SLC4A10: variants seen among roughly 807,000 people sequenced by gnomAD.
SLC4A10 encodes the protein sodium-driven chloride bicarbonate exchanger.
A neutral mutation model predicts 137.7 loss-of-function variants in SLC4A10; 42 were observed. That is an observed-to-expected ratio of 0.30 (90% CI 0.24 to 0.39). The LOEUF (loss-of-function observed/expected upper bound fraction) is 0.39. Ranked by LOEUF, SLC4A10 falls within the 10% of genes least tolerant of loss-of-function variation. The probability of loss-of-function intolerance (pLI) is 1.00; values close to 1 mark genes in which losing one functional copy is unlikely to be tolerated. For missense variants in SLC4A10, 925 were observed against 1,355.0 expected, an observed-to-expected ratio of 0.68 and a Z score of 4.98; for synonymous variants, 474 against 464.1, an observed-to-expected ratio of 1.02 and a Z score of -0.27.
intron 1 of SLC4A10, among the ~76,000 whole-genome samples, chr2:161,685,894 T>C (rs2041348829): frequency 6.6e-6 from 1 of 152,184 alleles, no homozygotes; most frequent in Non-Finnish European, 1.5e-5. Flanking sequence ...GATTTTGTAC[T>C]ATAAAGGTTT....
At chr2:161,862,443 C>T (rs1425146347) in intron 5 of SLC4A10, among the ~76,000 whole-genome samples, 1 of 152,028 alleles carries the variant, frequency 6.6e-6, no homozygotes, top group Non-Finnish European at 1.5e-5. Flanking sequence ...AGTATAAAAC[C>T]AATTTTCAAA....
intron 1 of SLC4A10, among the ~76,000 whole-genome samples, chr2:161,770,539 A>G (rs1574877725): frequency 1.3e-5 from 2 of 152,008 alleles, no homozygotes; most frequent in East Asian, 3.9e-4. Flanking sequence ...CCCATTTTTA[A>G]TGACAGTGGA....
intron 10 of SLC4A10, among the ~76,000 whole-genome samples, chr2:161,891,080 C>A (rs60929841): frequency 0.022 from 3,300 of 152,226 alleles, 122 homozygotes; most frequent in African/African-American, 0.075. Flanking sequence ...ATATGAAATT[C>A]TGGGTTGAAA....
intron 22 of SLC4A10, 40 bp downstream of exon 22, chr2:161,964,348 T>C (rs773616442): frequency 1.3e-6 from 2 of 1,595,268 alleles, no homozygotes; most frequent in South Asian, 1.1e-5. Flanking sequence ...TTTCTCTGAT[T>C]TGCTGGTCTC....
chr2:161,730,050 GAGGAAA>G, intron 1 of SLC4A10, among the ~76,000 whole-genome samples: 1 of 152,186 alleles, frequency 6.6e-6, no homozygotes, highest in African/African-American at 2.4e-5. Flanking sequence ...CCTCAAATAA[GAGGAAA>G]GAGTGAAAAG....
chr2:161,972,482 G>A (rs570403076), intron 23 of SLC4A10, among the ~76,000 whole-genome samples: 30 of 152,214 alleles, frequency 2.0e-4, no homozygotes, highest in Admixed American at 5.2e-4. Flanking sequence ...CAAACCAATG[G>A]TAATCTCCAT....
rs557396070 is a variant in SLC4A10 at position 161,909,237 on chromosome 2, A to G, written c.1997+3350A>G. Among the ~76,000 whole-genome samples the G allele has an allele frequency of 1.4e-4, 21 of 152,220 alleles. No homozygotes were observed. In the South Asian group the frequency reaches 3.3e-3, roughly 24 times the overall value. ...CCCTAAAACTTAAAGTATAATAACA[A>G]TAAAATTAAATATATAAAAAAAAAG... On this transcript the variant is annotated intron_variant, in intron 15 of 26. Transcript: ENST00000446997.
intron 21 of SLC4A10, among the ~76,000 whole-genome samples, chr2:161,961,308 T>A (rs764648781): frequency 2.0e-5 from 3 of 152,174 alleles, no homozygotes; most frequent in Non-Finnish European, 4.4e-5. Flanking sequence ...ATGAAGTCAT[T>A]GCAGGTCACG....
chr2:161,777,162 T>A (rs2052450483), intron 2 of SLC4A10, among the ~76,000 whole-genome samples: 1 of 151,310 alleles, frequency 6.6e-6, no homozygotes, highest in African/African-American at 2.4e-5. Context: ...TTTAAAAAAT[T>A]TAATAGGGTA....
chr2:161,765,712 T>A (rs987687431), intron 1 of SLC4A10, among the ~76,000 whole-genome samples: 1 of 151,994 alleles, frequency 6.6e-6, no homozygotes, highest in African/African-American at 2.4e-5. Flanking sequence ...AGTGCTAAAA[T>A]TTGCTCCTAA....
chr2:161,906,448 C>T (rs865991809), intron 15 of SLC4A10, among the ~76,000 whole-genome samples: 4 of 152,134 alleles, frequency 2.6e-5, no homozygotes, highest in East Asian at 3.9e-4. Flanking sequence ...TGTTACAGTC[C>T]GGGATTGAAG....
intron 2 of SLC4A10, among the ~76,000 whole-genome samples, chr2:161,801,700 G>A (rs1269314077): frequency 6.6e-6 from 1 of 152,104 alleles, no homozygotes; most frequent in African/African-American, 2.4e-5. Context: ...ACTCTAAAGG[G>A]AGAGAAAGTA....
chr2:161,909,253 A>G lies in SLC4A10; in HGVS notation c.1997+3366A>G, dbSNP rs111390555. ...ATAATAACAATAAAATTAAATATATAAAAAAAAAGAGGAGTGACAGAGGTC... is the reference window on the plus strand; with the variant it reads ...ATAATAACAATAAAATTAAATATATGAAAAAAAAGAGGAGTGACAGAGGTC... On this transcript the variant is annotated intron_variant, in intron 15 of 26. Transcript: ENST00000446997. Among the ~76,000 whole-genome samples, 1,275 of 151,194 alleles carry G rather than the reference A, an allele frequency of 8.4e-3. 18 individuals are homozygous for G. Among genetic ancestry groups the G allele is most frequent in the African/African-American group, 0.029 (1,215 of 41,224 alleles).
chr2:161,910,761 CCA>C (rs1685638583), intron 15 of SLC4A10, among the ~76,000 whole-genome samples: 1 of 151,748 alleles, frequency 6.6e-6, no homozygotes, highest in Non-Finnish European at 1.5e-5. Flanking sequence ...TATCTAGCAC[CCA>C]GCCCTGTACA....
chr2:161,900,230 C>G (rs530000038), intron 11 of SLC4A10, among the ~76,000 whole-genome samples: 29 of 152,182 alleles, frequency 1.9e-4, no homozygotes, highest in African/African-American at 5.8e-4. Flanking sequence ...ACCTGAATCT[C>G]TACTAATTTG....
chr2:161,889,226 G>A (rs1004556836), intron 10 of SLC4A10, among the ~76,000 whole-genome samples: 1 of 152,168 alleles, frequency 6.6e-6, no homozygotes, highest in Non-Finnish European at 1.5e-5. Flanking sequence ...GTTCATCAGG[G>A]ATATCGGCCT....
At chr2:161,891,927 T>A (rs1289396575) in intron 10 of SLC4A10, among the ~76,000 whole-genome samples, 2 of 152,022 alleles carry the variant, frequency 1.3e-5, no homozygotes, top group Non-Finnish European at 2.9e-5. Flanking sequence ...CTTTCTTTTT[T>A]TAATTGAACC....
intron 1 of SLC4A10, among the ~76,000 whole-genome samples, chr2:161,643,677 T>G (rs1314225537): frequency 6.6e-6 from 1 of 152,222 alleles, no homozygotes; most frequent in African/African-American, 2.4e-5. Context: ...TATTTGTGAC[T>G]GACGTGGTCT....
chr2:161,908,980 C>A (rs1455458158), intron 15 of SLC4A10, among the ~76,000 whole-genome samples: 2 of 149,004 alleles, frequency 1.3e-5, no homozygotes, highest in Non-Finnish European at 3.0e-5. Flanking sequence ...GGCCATGATC[C>A]CTGTCTGTCA....
Sources: allele counts gnomAD v4.1 joint callset (sites outside exome capture counted in the v4.1 genomes callset), GRCh38; gene constraint gnomAD v4.1.1; transcripts MANE v1.5; gene names NCBI Gene and HGNC (gene_info 2026-07-23, HGNC 2026-07-21).